SLC18A1: variants seen among roughly 807,000 people sequenced by gnomAD.
SLC18A1 encodes solute carrier family 18 member A1, also known as chromaffin granule amine transporter.
A neutral mutation model predicts 53.7 loss-of-function variants in SLC18A1; 69 were observed. The ratio of observed to expected loss-of-function variants is 1.28; its 90% CI spans 1.06 to 1.57. SLC18A1 has a LOEUF of 1.57. SLC18A1 is among the 40% of genes most tolerant of loss of function. The probability of loss-of-function intolerance (pLI) is 0.00; values close to 1 mark genes in which losing one functional copy is unlikely to be tolerated. For synonymous variants in SLC18A1, 320 were observed against 248.1 expected, an observed-to-expected ratio of 1.29 and a Z score of -2.72; for missense variants, 932 against 668.1, an observed-to-expected ratio of 1.40 and a Z score of -4.35.
intron 10 of SLC18A1, among the ~76,000 whole-genome samples, chr8:20,161,047 A>C (rs896199063): frequency 2.6e-5 from 4 of 152,142 alleles, no homozygotes; most frequent in Non-Finnish European, 5.9e-5. Flanking sequence ...CCAACACACA[A>C]ATTTTGGAGG....
Position 20,164,944 on chromosome 8 carries a change from T to A in SLC18A1, c.940A>T (p.Met314Leu), listed in dbSNP as rs750166953. Residue 314 changes from methionine to leucine, a missense_variant, in exon 10 of 16, where the codon ATG (methionine) becomes TTG (leucine). By Grantham distance (15) the Met-to-Leu change is conservative. Coordinates refer to ENST00000276373, the MANE Select transcript of SLC18A1 (RefSeq NM_003053.4). ...GTGGGCTCCAGGATGGCCACCCCCA[T>A]GTTGGCAAAGCAGATGGACCCTGGG... The part of the protein sequence containing the change: ...VAAGSICFAN[M>L]GVAILEPTLP... The A allele has an allele frequency of 9.3e-6, 15 of 1,613,892 alleles. No individual in the cohort carries two copies. Among genetic ancestry groups the A allele is most frequent in the Non-Finnish European group, 1.3e-5 (15 of 1,179,850 alleles).
intron 8 of SLC18A1, among the ~76,000 whole-genome samples, chr8:20,169,996 G>A (rs1007687398): frequency 1.3e-5 from 2 of 152,232 alleles, no homozygotes; most frequent in African/African-American, 4.8e-5. Context: ...CCACCTGGAT[G>A]AGTGTCCCTA....
At chr8:20,170,087 C>T (rs924891498) in intron 8 of SLC18A1, among the ~76,000 whole-genome samples, 7 of 152,132 alleles carry the variant, frequency 4.6e-5, no homozygotes, top group Non-Finnish European at 7.4e-5. Flanking sequence ...TTTGGTGCTC[C>T]TTGCCCTGAG....
chr8:20,179,619 TC>T, intron 2 of SLC18A1, 135 bp from the exon 3 acceptor site: 1 of 1,195,594 alleles, frequency 8.4e-7, no homozygotes, highest in East Asian at 2.3e-5. Context: ...AGGACAGATG[TC>T]ATCTTACCAC....
intron 6 of SLC18A1, among the ~76,000 whole-genome samples, chr8:20,172,301 A>G (rs2072143554): frequency 6.6e-6 from 1 of 152,240 alleles, no homozygotes. Flanking sequence ...GGATACTAGC[A>G]AATAACAGGG....
At position 20,150,934 on chromosome 8, in the gene SLC18A1, A is replaced by G. The variant is rs143475308; in HGVS notation, c.1016-190T>C. On this transcript the variant is annotated intron_variant, in intron 10 of 15. Coordinates refer to ENST00000276373, the MANE Select transcript of SLC18A1 (RefSeq NM_003053.4). ...GGACCCCCACACCTCTCCTTTCTTC[A>G]GGAGCAAGGCTTTGTTTAGCCTCAG... 9.1e-4 allele frequency: 539 copies of G among 593,046 alleles called. 4 individuals are homozygous for G. The highest frequency in any genetic ancestry group is 8.5e-3 in the African/African-American group (456 of 53,854). The allele number at this position is 593,046 out of a possible 1,614,324, so 36.7% of individuals were successfully genotyped here.
chr8:20,174,332 G>A (rs1311234545), intron 5 of SLC18A1, 29 bp downstream of exon 5: 3 of 1,474,800 alleles, frequency 2.0e-6, no homozygotes, highest in Admixed American at 1.7e-5. Flanking sequence ...GCCTGCATGT[G>A]TGTGTGCATG....
At chr8:20,146,711 C>G (rs751659580) in intron 15 of SLC18A1, among the ~76,000 whole-genome samples, 6 of 151,944 alleles carry the variant, frequency 3.9e-5, no homozygotes, top group African/African-American at 1.5e-4. Flanking sequence ...GTAATCCCAG[C>G]TACTTGGGAT....
intron 10 of SLC18A1, among the ~76,000 whole-genome samples, chr8:20,164,544 G>T (rs551609771): frequency 6.6e-6 from 1 of 152,272 alleles, no homozygotes; most frequent in South Asian, 2.1e-4. Flanking sequence ...TGCTCAGAGG[G>T]TTTAAGGCAT....
At position 20,180,973 on chromosome 8, in the gene SLC18A1, C is replaced by T. The variant is rs2072413862; in HGVS notation, c.-9G>A. 5 of 1,563,382 alleles carry T rather than the reference C, an allele frequency of 3.2e-6. No homozygotes were observed. The highest frequency in any genetic ancestry group is 3.5e-6 in the Non-Finnish European group (4 of 1,154,468). ...AGAATGGTCCGGAGCATGGTGATGGCCGGACTGGGGCAGTCTTCCCCTGCG... is the reference window on the plus strand; with the variant it reads ...AGAATGGTCCGGAGCATGGTGATGGTCGGACTGGGGCAGTCTTCCCCTGCG... On this transcript the variant is annotated 5_prime_UTR_variant, in exon 2 of 16. Coordinates refer to ENST00000276373, the MANE Select transcript of SLC18A1 (RefSeq NM_003053.4).
rs1173868986 is a variant in SLC18A1, at chr8:20,145,814, C to T, written c.1527G>A (p.Lys509=). The T allele has an allele frequency of 6.2e-7, 1 of 1,612,308 alleles. No homozygotes were observed. The highest frequency in any genetic ancestry group is 1.1e-5 in the South Asian group (1 of 90,526). The change falls in exon 16 of 16, where the codon AAG becomes AAA. Residue 509 remains lysine (K), a synonymous_variant. Coordinates refer to ENST00000276373, the MANE Select transcript of SLC18A1 (RefSeq NM_003053.4). ...TRMYATQKPT[K]EFPLGEDSDE... ...CACTGTCCTCCCCCAGAGGAAATTC[C>T]TTCGTGGGCTTCTGGGTTGCATACA...
At position 20,172,058 on chromosome 8, in the gene SLC18A1, C is replaced by G. The variant is rs918152013; in HGVS notation, c.725-564G>C. ...GGCCTTGCGGCCTATGGAGAAACAT[C>G]AGGTGAGAAACATCACCTGCTCTGG... On this transcript the variant is annotated intron_variant, in intron 6 of 15. Transcript: ENST00000276373. 3.4e-4 allele frequency among the ~76,000 whole-genome samples: 52 copies of G among 152,214 alleles called. 1 individual carries two copies. The highest frequency in any genetic ancestry group is 1.1e-3 in the African/African-American group (46 of 41,456).
At chr8:20,151,835 G>C (rs1233635762) in intron 10 of SLC18A1, among the ~76,000 whole-genome samples, 1 of 152,046 alleles carries the variant, frequency 6.6e-6, no homozygotes, top group Non-Finnish European at 1.5e-5. Flanking sequence ...AACAAACTTT[G>C]ACCATGTGTC....
Position 20,181,466 on chromosome 8 carries a change from G to A in SLC18A1, c.-123-379C>T, listed in dbSNP as rs721951. ...CACTCTTTTAAAATATTGAGATACT[G>A]CCAGGTATGGTGGGATGTGCCTGGA... On this transcript the variant is annotated intron_variant, in intron 1 of 15. Transcript: ENST00000276373. 4.4e-3 allele frequency among the ~76,000 whole-genome samples: 672 copies of A among 152,114 alleles called. 7 individuals carry two copies. Among genetic ancestry groups the A allele is most frequent in the African/African-American group, 0.016 (648 of 41,492 alleles).
intron 10 of SLC18A1, among the ~76,000 whole-genome samples, chr8:20,151,751 C>T (rs2128869019): frequency 6.6e-6 from 1 of 152,266 alleles, no homozygotes; most frequent in East Asian, 1.9e-4. Flanking sequence ...GACTTGTTAG[C>T]TCTGTGACTT....
In SLC18A1 at chr8:20,179,352, T is replaced by G. The variant is rs367762472; in HGVS notation, c.257A>C (p.Asn86Thr). ...TTCTTCAACAGCCACGGTGTTGTTGTTGAAGAAGGAGAAGATGGTGGAAAA... is the reference window on the plus strand; with the variant it reads ...TTCTTCAACAGCCACGGTGTTGTTGGTGAAGAAGGAGAAGATGGTGGAAAA... ...PAFSTIFSFF[N>T]NNTVAVEESV... Residue 86 changes from asparagine to threonine, a missense_variant, in exon 3 of 16, where the codon AAC (asparagine) becomes ACC (threonine). By Grantham distance (65) the Asn-to-Thr change is moderately conservative (BLOSUM62 0). Transcript: ENST00000276373. The G allele has an allele frequency of 6.2e-7, 1 of 1,614,148 alleles. No individual in the cohort carries two copies. The highest frequency in any genetic ancestry group is 8.5e-7 in the Non-Finnish European group (1 of 1,180,048).
At chr8:20,177,132 T>G (rs1400165152) in intron 4 of SLC18A1, among the ~76,000 whole-genome samples, 2 of 152,242 alleles carry the variant, frequency 1.3e-5, no homozygotes, top group African/African-American at 2.4e-5. Flanking sequence ...GCTGTCTAAC[T>G]TAGGCTGAAC....
chr8:20,149,611 T>C, intron 12 of SLC18A1, 65 bp downstream of exon 12: 1 of 1,288,454 alleles, frequency 7.8e-7, no homozygotes. Context: ...TCTCTCTCTC[T>C]CTCTCTGTCT....
At chr8:20,175,566 T>C (rs1330316974) in intron 4 of SLC18A1, 1 of 152,254 alleles carries the variant, frequency 6.6e-6, no homozygotes, top group Non-Finnish European at 1.5e-5. Flanking sequence ...TCTTCTGTCA[T>C]GGCTTCAGCA....
Sources: gnomAD v4.1 joint callset for allele counts (sites outside exome capture counted in the v4.1 genomes callset) on GRCh38, gnomAD v4.1.1 for gene constraint, MANE v1.5 for transcripts, NCBI Gene and HGNC (gene_info 2026-07-23, HGNC 2026-07-21) for gene names.